EFTUD2: variants seen among roughly 807,000 people sequenced by gnomAD.
The protein encoded by EFTUD2 is 116 kDa U5 small nuclear ribonucleoprotein component.
EFTUD2 carries 9 observed loss-of-function variants against 114.3 expected under a neutral mutation model. The ratio of observed to expected loss-of-function variants is 0.08; its 90% CI spans 0.05 to 0.14. The LOEUF (loss-of-function observed/expected upper bound fraction) is 0.14. Among genes scored for constraint, EFTUD2 ranks in the 10% least tolerant of loss-of-function variants. The pLI is 1.00. For missense variants in EFTUD2, 765 were observed against 1,241.2 expected (o/e 0.62, Z 5.76); for synonymous variants, 449 against 462.3 (o/e 0.97, Z 0.37).
In EFTUD2 at chr17:44,870,452, C is replaced by T. The variant is rs184168561; in HGVS notation, c.994+1994G>A. ...CAAGAAAATGGTCAATGGCCCAATG[C>T]TGTGTGAAAAACACAGATTACATAT... On this transcript the variant is annotated intron_variant, in intron 11 of 27. Transcript: ENST00000426333. Among the ~76,000 whole-genome samples, 68 of 152,182 alleles carry T rather than the reference C, an allele frequency of 4.5e-4. 1 individual carries two copies. The highest frequency in any genetic ancestry group is 2.3e-3 in the East Asian group (12 of 5,186).
chr17:44,861,162 C>A (rs1005098012), intron 16 of EFTUD2, among the ~76,000 whole-genome samples: 1 of 152,066 alleles, frequency 6.6e-6, no homozygotes, highest in Non-Finnish European at 1.5e-5. Flanking sequence ...CAAAGAAGGC[C>A]GGGTGTGGCG....
At chr17:44,891,212 C>T (rs1173935967) in intron 2 of EFTUD2, among the ~76,000 whole-genome samples, 2 of 152,148 alleles carry the variant, frequency 1.3e-5, no homozygotes, top group Non-Finnish European at 2.9e-5. Context: ...AAGAAACATA[C>T]ATAAATTACA....
At position 44,859,254 on chromosome 17, in the gene EFTUD2, C is replaced by T. The variant is rs2050612429; in HGVS notation, c.1861-73G>A. The T allele has an allele frequency of 7.5e-6, 8 of 1,064,008 alleles. No individual in the cohort carries two copies. The Admixed American group carries it at 1.4e-4, about 18-fold the overall frequency. 65.9% of individuals were successfully genotyped at this position (1,064,008 alleles called of 1,614,324 possible). ...AGGCACACACAAACAAAATCAAGGC[C>T]AGAGCAGACAAGAAGTTGCCTATCA... On this transcript the variant is annotated intron_variant, in intron 18 of 27. Coordinates refer to ENST00000426333, the MANE Select transcript of EFTUD2 (RefSeq NM_004247.4).
chr17:44,885,425 T>C lies in EFTUD2; in HGVS notation c.272-91A>G, dbSNP rs75343286. ...TCCATTAGACTGACCTTTCAGAATGTATGATGTATGACATCAATTTATTTT... is the reference window on the plus strand; with the variant it reads ...TCCATTAGACTGACCTTTCAGAATGCATGATGTATGACATCAATTTATTTT... On this transcript the variant is annotated intron_variant, in intron 3 of 27. Transcript: ENST00000426333. 39,676 of 858,812 alleles carry C rather than the reference T, an allele frequency of 0.046. 2,299 individuals carry two copies. Among genetic ancestry groups the C allele is most frequent in the South Asian group, 0.16 (11,269 of 71,448 alleles). 53.2% of individuals were successfully genotyped at this position (858,812 alleles called of 1,614,324 possible).
chr17:44,886,960 C>T (rs2051186220), intron 2 of EFTUD2, among the ~76,000 whole-genome samples: 1 of 152,172 alleles, frequency 6.6e-6, no homozygotes, highest in Admixed American at 6.5e-5. Flanking sequence ...CTGGTTCAAA[C>T]TTGCCCCTTT....
At chr17:44,898,372 T>C (rs2051437035) in intron 1 of EFTUD2, among the ~76,000 whole-genome samples, 1 of 152,104 alleles carries the variant, frequency 6.6e-6, no homozygotes, top group South Asian at 2.1e-4. Flanking sequence ...AGTGCACCAC[T>C]ACGCCTGGCT....
chr17:44,879,605 C>A lies in EFTUD2; in HGVS notation c.653G>T (p.Gly218Val). Reference protein sequence around the residue: ...HVNFSDEVTAGLRISDGVVLF... With the variant: ...HVNFSDEVTAVLRISDGVVLF... The stretch of plus-strand genomic sequence containing the variant: ...GACCACTCCATCTGAGATGCGCAAG[C>A]CAGCTGTGACCTCATCAGAGAAATT... Residue 218 changes from glycine (G) to valine (V), a missense_variant, in exon 9 of 28, where the codon GGC (glycine) becomes GTC (valine). Gly to Val is a moderately radical substitution (Grantham distance 109). Around this residue, in one of 6 missense-constraint regions of EFTUD2, gnomAD observed 251 missense variants for 357.7 expected, o/e 0.70. Transcript: ENST00000426333. The A allele has an allele frequency of 1.2e-6, 2 of 1,613,952 alleles. No individual in the cohort carries two copies. Among genetic ancestry groups the A allele is most frequent in the Non-Finnish European group, 1.7e-6 (2 of 1,179,958 alleles).
chr17:44,899,416 G>C lies in EFTUD2; in HGVS notation c.-52C>G, dbSNP rs773082184. Reference sequence around the variant, plus strand: ...TTCCCAGGCCGCTGCCGGAGATCGTGCTTCCGCCCCACGCCGAGGAAACGC... The same window carrying C: ...TTCCCAGGCCGCTGCCGGAGATCGTCCTTCCGCCCCACGCCGAGGAAACGC... On this transcript the variant is annotated 5_prime_UTR_variant, in exon 1 of 28. Transcript: ENST00000426333. The C allele has an allele frequency of 6.6e-6, 1 of 152,410 alleles. No individual in the cohort carries two copies. Among genetic ancestry groups the C allele is most frequent in the African/African-American group, 2.4e-5 (1 of 41,448 alleles). The allele number at this position is 152,410 out of a possible 1,614,324, so 9.4% of individuals were successfully genotyped here. A position where few individuals can be genotyped will look rare whatever the true frequency, so the allele number is the denominator to read the frequency against.
chr17:44,898,173 T>G (rs772647168), intron 1 of EFTUD2, among the ~76,000 whole-genome samples: 1 of 152,226 alleles, frequency 6.6e-6, no homozygotes, highest in Non-Finnish European at 1.5e-5. Context: ...GCTTATCTCA[T>G]TCTCCCAAGA....
At chr17:44,880,466 G>T in intron 8 of EFTUD2, 88 bp downstream of exon 8, 1 of 900,474 alleles carries the variant, frequency 1.1e-6, no homozygotes, top group Non-Finnish European at 1.8e-6. Flanking sequence ...AAACAAAGAT[G>T]CACTGCTCCG....
At chr17:44,871,699 AG>A (rs2050858616) in intron 11 of EFTUD2, among the ~76,000 whole-genome samples, 1 of 152,148 alleles carries the variant, frequency 6.6e-6, no homozygotes, top group South Asian at 2.1e-4. Context: ...CTCCATGCTA[AG>A]AGTGCGGCAG....
At position 44,886,642 on chromosome 17, in the gene EFTUD2, C is replaced by T. The variant is rs1174685149; in HGVS notation, c.214G>A (p.Val72Met). 3 of 1,614,092 alleles carry T rather than the reference C, an allele frequency of 1.9e-6. No individual in the cohort carries two copies. The highest frequency in any genetic ancestry group is 2.5e-6 in the Non-Finnish European group (3 of 1,180,052). ...DKKYYPTAEE[V>M]YGPEVETIVQ... ...ATGGTCTCCACCTCAGGACCATACACCTCCTCGGCTGTTGGGTAGTACTTC... is the reference window on the plus strand; with the variant it reads ...ATGGTCTCCACCTCAGGACCATACATCTCCTCGGCTGTTGGGTAGTACTTC... The change falls in exon 3 of 28, where the codon GTG (valine) becomes ATG (methionine). Residue 72 changes from valine to methionine, a missense_variant. Physicochemically the swap from Val to Met is conservative, Grantham distance 21. This residue lies in a region of EFTUD2 where 121 missense variants were observed against 133.7 expected (regional missense o/e 0.90). Coordinates refer to ENST00000426333, the MANE Select transcript of EFTUD2 (RefSeq NM_004247.4).
Position 44,854,009 on chromosome 17 carries a change from T to C in EFTUD2, c.2347+260A>G. The C allele has an allele frequency of 7.4e-7, 1 of 1,359,654 alleles. No homozygotes were observed. The highest frequency in any genetic ancestry group is 9.4e-7 in the Non-Finnish European group (1 of 1,059,988). 84.2% of individuals were successfully genotyped at this position (1,359,654 alleles called of 1,614,324 possible). ...ATCTCATCATCCTCTTGATATCTCT[T>C]CTCAAATACGTCCAACGCCAAACCC... On this transcript the variant is annotated intron_variant, in intron 23 of 27. Transcript: ENST00000426333. The surrounding 1 kb of genome is among the most constrained non-coding windows in gnomAD (Gnocchi z 4.3).
intron 17 of EFTUD2, 84 bp downstream of exon 17, chr17:44,860,348 G>T (rs1356585646): frequency 2.0e-6 from 2 of 975,848 alleles, no homozygotes; most frequent in African/African-American, 1.6e-5. Flanking sequence ...GGCAATGACT[G>T]TGGATTAGTC....
intron 9 of EFTUD2, among the ~76,000 whole-genome samples, chr17:44,877,997 G>A (rs1211572241): frequency 6.6e-6 from 1 of 152,096 alleles, no homozygotes; most frequent in South Asian, 2.1e-4. Context: ...TTATCCAGGT[G>A]TGGTGGCGTG....
chr17:44,885,515 G>A (rs2051152951), intron 3 of EFTUD2, among the ~76,000 whole-genome samples, 181 bp from the exon 4 acceptor site: 1 of 152,134 alleles, frequency 6.6e-6, no homozygotes. Context: ...AGACAGTGAA[G>A]GACCTTGAAT....
chr17:44,880,718 T>C (rs2051058316), intron 7 of EFTUD2, 74 bp from the exon 8 acceptor site: 10 of 1,197,928 alleles, frequency 8.3e-6, no homozygotes, highest in Non-Finnish European at 1.1e-5. Context: ...GGCTCCCCAG[T>C]TGCTAGTAAA....
At chr17:44,888,481 C>T (rs577184373) in intron 2 of EFTUD2, among the ~76,000 whole-genome samples, 1 of 152,268 alleles carries the variant, frequency 6.6e-6, no homozygotes, top group East Asian at 1.9e-4. Context: ...AGAACCACTC[C>T]AGCCCCTATG....
chr17:44,857,716 ACAAGGAGGC>A (rs1373118005), intron 19 of EFTUD2: 1 of 156,416 alleles, frequency 6.4e-6, no homozygotes, highest in Non-Finnish European at 1.4e-5. Context: ...CTCAACTAGG[ACAAGGAGGC>A]CAAGCAACAC....
Sources: allele counts gnomAD v4.1 joint callset (sites outside exome capture counted in the v4.1 genomes callset), GRCh38; gene constraint gnomAD v4.1.1; regional missense constraint gnomAD v4.1.1; non-coding constraint Gnocchi (gnomAD v3.1); transcripts MANE v1.5; gene names NCBI Gene and HGNC (gene_info 2026-07-23, HGNC 2026-07-21).